COL25A1: variants seen among roughly 807,000 people sequenced by gnomAD.
COL25A1 encodes the protein collagen alpha-1(XXV) chain.
A neutral mutation model predicts 128.4 loss-of-function variants in COL25A1; 103 were observed. The observed-to-expected ratio is 0.80, with a 90% CI of 0.68 to 0.94. COL25A1 has a LOEUF of 0.94. COL25A1 is among the 40% of genes least tolerant of loss of function. The probability of loss-of-function intolerance (pLI) is 0.00; values close to 1 mark genes in which losing one functional copy is unlikely to be tolerated. For missense variants in COL25A1, 745 were observed against 840.0 expected, an observed-to-expected ratio of 0.89 and a Z score of 1.40; for synonymous variants, 279 against 277.2, an observed-to-expected ratio of 1.01 and a Z score of -0.06.
chr4:109,283,322 A>C (rs1418683281), intron 3 of COL25A1, among the ~76,000 whole-genome samples: 1 of 152,156 alleles, frequency 6.6e-6, no homozygotes, highest in Non-Finnish European at 1.5e-5. Context: ...GCCATGGCTC[A>C]TATAACCTCG....
intron 3 of COL25A1, among the ~76,000 whole-genome samples, chr4:109,137,824 T>C (rs773441422): frequency 6.6e-6 from 1 of 152,184 alleles, no homozygotes; most frequent in Non-Finnish European, 1.5e-5. Flanking sequence ...TAAAGGAATC[T>C]GAACTTATTA....
chr4:108,831,502 A>G (rs1733096435), intron 32 of COL25A1, among the ~76,000 whole-genome samples: 1 of 152,194 alleles, frequency 6.6e-6, no homozygotes, highest in Non-Finnish European at 1.5e-5. Context: ...TTAAAAGACC[A>G]CAAACTTGCA....
intron 13 of COL25A1, among the ~76,000 whole-genome samples, chr4:108,916,187 G>A (rs1013006433): frequency 6.6e-6 from 1 of 152,120 alleles, no homozygotes; most frequent in Non-Finnish European, 1.5e-5. Context: ...CTCTGAAGGA[G>A]GGAAAACAAA....
chr4:108,911,268 G>A (rs1302892580), intron 13 of COL25A1, among the ~76,000 whole-genome samples: 1 of 152,130 alleles, frequency 6.6e-6, no homozygotes, highest in African/African-American at 2.4e-5. Flanking sequence ...AGTATAAATT[G>A]TAAGCATTGC....
intron 3 of COL25A1, among the ~76,000 whole-genome samples, chr4:109,065,733 T>C (rs1762394343): frequency 6.6e-6 from 1 of 152,202 alleles, no homozygotes; most frequent in Non-Finnish European, 1.5e-5. Context: ...TCTATTTTTA[T>C]TTAAAGACTA....
At chr4:108,870,605 C>T (rs1051673392) in intron 19 of COL25A1, among the ~76,000 whole-genome samples, 9 of 152,170 alleles carry the variant, frequency 5.9e-5, no homozygotes, top group East Asian at 1.9e-4. Flanking sequence ...TGGCCTAAAA[C>T]GAAAATCTGA....
intron 8 of COL25A1, among the ~76,000 whole-genome samples, chr4:108,954,710 T>C (rs1455540824): frequency 2.0e-5 from 3 of 151,978 alleles, no homozygotes; most frequent in Non-Finnish European, 2.9e-5. Flanking sequence ...AAAAAGATTT[T>C]CTCTTTTTAT....
chr4:109,076,897 C>T (rs982160741), intron 3 of COL25A1, among the ~76,000 whole-genome samples: 15 of 152,094 alleles, frequency 9.9e-5, no homozygotes, highest in African/African-American at 3.4e-4. Context: ...CAGGAGGTGG[C>T]GCTCAGGCAG....
intron 8 of COL25A1, among the ~76,000 whole-genome samples, chr4:108,963,764 A>C (rs1045274002): frequency 1.3e-5 from 2 of 151,856 alleles, no homozygotes; most frequent in African/African-American, 4.8e-5. Context: ...ACTTGTAAAA[A>C]TCCCAACAAA....
At chr4:109,230,274 C>T (rs191046679) in intron 3 of COL25A1, among the ~76,000 whole-genome samples, 4 of 152,246 alleles carry the variant, frequency 2.6e-5, no homozygotes. Flanking sequence ...ATCAACTATA[C>T]TCTCACCATC....
intron 3 of COL25A1, among the ~76,000 whole-genome samples, chr4:109,275,772 G>GT (rs140005712): frequency 1.3e-5 from 2 of 152,166 alleles, no homozygotes; most frequent in African/African-American, 2.4e-5. Flanking sequence ...TCTCTGTAAA[G>GT]TTTTTTTTAG....
chr4:108,856,182 A>C (rs1367721016), intron 24 of COL25A1, among the ~76,000 whole-genome samples: 1 of 152,172 alleles, frequency 6.6e-6, no homozygotes, highest in Admixed American at 6.6e-5. Flanking sequence ...CCCACGATTC[A>C]TACTAGAGAA....
intron 8 of COL25A1, among the ~76,000 whole-genome samples, chr4:108,956,117 G>A (rs536461222): frequency 1.3e-5 from 2 of 152,228 alleles, no homozygotes; most frequent in South Asian, 2.1e-4. Context: ...AAGTTAAGAT[G>A]AGAATATATT....
At chr4:109,055,624 G>A (rs1026251031) in intron 3 of COL25A1, among the ~76,000 whole-genome samples, 2 of 152,018 alleles carry the variant, frequency 1.3e-5, no homozygotes, top group African/African-American at 4.8e-5. Flanking sequence ...TTCGAACATC[G>A]CTACTTAGAC....
chr4:109,192,910 C>T (rs762133108), intron 3 of COL25A1, among the ~76,000 whole-genome samples: 6 of 151,834 alleles, frequency 4.0e-5, no homozygotes, highest in Non-Finnish European at 8.8e-5. Flanking sequence ...CAGAAGGAGG[C>T]TCATGTGAAG....
At chr4:109,278,406 T>C (rs1723052352) in intron 3 of COL25A1, among the ~76,000 whole-genome samples, 1 of 152,230 alleles carries the variant, frequency 6.6e-6, no homozygotes, top group Non-Finnish European at 1.5e-5. Flanking sequence ...CTGGATGCCT[T>C]AAATTATTAA....
intron 19 of COL25A1, among the ~76,000 whole-genome samples, chr4:108,882,720 G>A (rs937877541): frequency 3.3e-5 from 5 of 152,184 alleles, no homozygotes; most frequent in East Asian, 3.9e-4. Context: ...TGTTGTCATA[G>A]AGTGTTACTT....
At chr4:109,103,502 A>G (rs916298080) in intron 3 of COL25A1, among the ~76,000 whole-genome samples, 8 of 151,876 alleles carry the variant, frequency 5.3e-5, no homozygotes, top group Non-Finnish European at 1.2e-4. Flanking sequence ...GGTCATGCTT[A>G]TAAGTCACCA....
At chr4:109,200,165 C>T (rs553824532) in intron 3 of COL25A1, among the ~76,000 whole-genome samples, 1 of 152,326 alleles carries the variant, frequency 6.6e-6, no homozygotes, top group Non-Finnish European at 1.5e-5. Flanking sequence ...TTTCCATCTT[C>T]CATCGTCGAA....
Sources: gnomAD v4.1 joint callset for allele counts (sites outside exome capture counted in the v4.1 genomes callset) on GRCh38, gnomAD v4.1.1 for gene constraint, MANE v1.5 for transcripts, NCBI Gene and HGNC (gene_info 2026-07-23, HGNC 2026-07-21) for gene names.